Variants in NTNG1 observed in about 807,000 individuals in gnomAD.
NTNG1 encodes the protein netrin G1.
In NTNG1, 16 loss-of-function variants were observed where a neutral mutation model predicts 54.0. That is an observed-to-expected ratio of 0.30 (90% CI 0.20 to 0.45). The LOEUF (loss-of-function observed/expected upper bound fraction) is 0.45, where lower values mean the gene tolerates loss of function less well. Ranked by LOEUF, NTNG1 falls within the 20% of genes least tolerant of loss-of-function variation. The pLI is 1.00. For missense variants in NTNG1, 530 were observed against 678.7 expected, an observed-to-expected ratio of 0.78 and a Z score of 2.43; for synonymous variants, 255 against 263.1, an observed-to-expected ratio of 0.97 and a Z score of 0.30.
At chr1:107,465,991 T>C (rs1042709903) in intron 7 of NTNG1, among the ~76,000 whole-genome samples, 9 of 152,178 alleles carry the variant, frequency 5.9e-5, no homozygotes, top group African/African-American at 2.2e-4. Flanking sequence ...AGACAGTAAG[T>C]ATATGATCCA....
Position 107,424,584 on chromosome 1 carries a change from G to A in NTNG1, c.1088-6166G>A, listed in dbSNP as rs77322787. On this transcript the variant is annotated intron_variant, in intron 5 of 7. Transcript: ENST00000370068. Reference sequence around the variant, plus strand: ...TAATCCAAGTAAGGGCTGATGATGCGTCTGAGGAAAAGGTGGTAGAGATGG... The same window carrying A: ...TAATCCAAGTAAGGGCTGATGATGCATCTGAGGAAAAGGTGGTAGAGATGG... Among the ~76,000 whole-genome samples, 1,794 of 152,144 alleles carry A rather than the reference G, an allele frequency of 0.012. 89 individuals carry two copies. In the East Asian group the frequency reaches 0.17, roughly 15 times the overall value.
At chr1:107,263,623 G>A (rs867078501) in intron 2 of NTNG1, among the ~76,000 whole-genome samples, 1 of 152,178 alleles carries the variant, frequency 6.6e-6, no homozygotes, top group Non-Finnish European at 1.5e-5. Flanking sequence ...AACAAGGCAA[G>A]TTAAAATAAT....
intron 2 of NTNG1, among the ~76,000 whole-genome samples, chr1:107,256,662 A>G (rs566253550): frequency 3.3e-4 from 50 of 152,330 alleles, no homozygotes; most frequent in Middle Eastern, 6.8e-3. Context: ...GCAGTTGCAG[A>G]GAGAACCTTG....
At chr1:107,260,026 A>ACC (rs200931394) in intron 2 of NTNG1, among the ~76,000 whole-genome samples, 2,874 of 152,274 alleles carry the variant, frequency 0.019, 98 homozygotes, top group African/African-American at 0.066. Flanking sequence ...CTTCATTTGA[A>ACC]TGCAAATTAT....
At chr1:107,460,518 T>C in intron 7 of NTNG1, 1 of 462,982 alleles carries the variant, frequency 2.2e-6, no homozygotes, top group Non-Finnish European at 4.3e-6. Context: ...GGTTTAATAT[T>C]GACTTCTTAC....
At chr1:107,371,760 C>T (rs1304179120) in intron 3 of NTNG1, among the ~76,000 whole-genome samples, 5 of 151,988 alleles carry the variant, frequency 3.3e-5, no homozygotes, top group Admixed American at 3.3e-4. Flanking sequence ...TTGTCTGATG[C>T]AAGTAACAGG....
At chr1:107,304,742 TA>T (rs764834479) in intron 2 of NTNG1, among the ~76,000 whole-genome samples, 59 of 150,886 alleles carry the variant, frequency 3.9e-4, no homozygotes, top group Non-Finnish European at 6.5e-4. Flanking sequence ...TTTTTTTTTT[TA>T]AATTATACTT....
intron 2 of NTNG1, among the ~76,000 whole-genome samples, chr1:107,172,315 AATT>A (rs1656309100): frequency 6.6e-6 from 1 of 152,156 alleles, no homozygotes; most frequent in South Asian, 2.1e-4. Flanking sequence ...CCTTAGCATA[AATT>A]ATTAACAGCT....
At position 107,285,263 on chromosome 1, in the gene NTNG1, G is replaced by T. The variant is rs373526017; in HGVS notation, c.247-39019G>T. Among the ~76,000 whole-genome samples, 163 of 152,242 alleles carry T rather than the reference G, an allele frequency of 1.1e-3. 7 individuals are homozygous for T. The South Asian group carries it at 0.033, about 31-fold the overall frequency. On this transcript the variant is annotated intron_variant, in intron 2 of 7. Coordinates refer to ENST00000370068, the MANE Select transcript of NTNG1 (RefSeq NM_001113226.3). ...TAACTTCAACCCATGCTAAGGAGGT[G>T]CATTTACTCTGTTGTGTCTAGCTTT...
At chr1:107,179,498 T>G (rs1326529448) in intron 2 of NTNG1, among the ~76,000 whole-genome samples, 2 of 152,152 alleles carry the variant, frequency 1.3e-5, no homozygotes, top group Non-Finnish European at 2.9e-5. Flanking sequence ...AAATTGACAA[T>G]ACAAATTATT....
At chr1:107,280,693 C>T (rs1418533918) in intron 2 of NTNG1, among the ~76,000 whole-genome samples, 1 of 151,050 alleles carries the variant, frequency 6.6e-6, no homozygotes, top group Non-Finnish European at 1.5e-5. Context: ...CGTTACTGGG[C>T]AGGTATTCCC....
At chr1:107,258,378 T>A (rs1000769907) in intron 2 of NTNG1, among the ~76,000 whole-genome samples, 1 of 152,074 alleles carries the variant, frequency 6.6e-6, no homozygotes, top group South Asian at 2.1e-4. Context: ...TGTTACTTTA[T>A]CTACTCAGAC....
In NTNG1 at chr1:107,145,038, G is replaced by T. The variant is rs902417869; in HGVS notation, c.-525-3031G>T. 9.2e-5 allele frequency among the ~76,000 whole-genome samples: 14 copies of T among 151,984 alleles called. No homozygotes were observed. The South Asian group carries it at 2.9e-3, about 32-fold the overall frequency. On this transcript the variant is annotated intron_variant, in intron 1 of 7. Coordinates refer to ENST00000370068, the MANE Select transcript of NTNG1 (RefSeq NM_001113226.3). ...TCACTTCACAATTAGTTCAGTTATG[G>T]GCCAGAAGGGATAGGTTTAGTATAT...
intron 2 of NTNG1, among the ~76,000 whole-genome samples, chr1:107,315,856 CTG>C (rs1281991688): frequency 4.6e-5 from 7 of 152,226 alleles, no homozygotes; most frequent in African/African-American, 1.7e-4. Context: ...AGCACAGTGT[CTG>C]TCATATCCAA....
intron 2 of NTNG1, among the ~76,000 whole-genome samples, chr1:107,307,027 T>C (rs1256516345): frequency 6.6e-6 from 1 of 152,232 alleles, no homozygotes; most frequent in Non-Finnish European, 1.5e-5. Flanking sequence ...AATTCTGTGT[T>C]AGCTGGCAAG....
At chr1:107,251,258 A>T (rs1163518056) in intron 2 of NTNG1, among the ~76,000 whole-genome samples, 1 of 152,226 alleles carries the variant, frequency 6.6e-6, no homozygotes, top group South Asian at 2.1e-4. Flanking sequence ...AAATGTGCAT[A>T]ATAGAATCTT....
chr1:107,238,921 C>A (rs1024646624), intron 2 of NTNG1, among the ~76,000 whole-genome samples: 1 of 151,516 alleles, frequency 6.6e-6, no homozygotes, highest in Admixed American at 6.6e-5. Flanking sequence ...AAAATGAATA[C>A]GATGTGGCCC....
At chr1:107,183,126 T>C (rs1441755969) in intron 2 of NTNG1, among the ~76,000 whole-genome samples, 1 of 152,206 alleles carries the variant, frequency 6.6e-6, no homozygotes, top group Non-Finnish European at 1.5e-5. Flanking sequence ...AATTCCGTGC[T>C]GGAAGAGGTC....
intron 2 of NTNG1, among the ~76,000 whole-genome samples, chr1:107,273,312 A>G (rs561310825): frequency 6.6e-6 from 1 of 152,334 alleles, no homozygotes; most frequent in South Asian, 2.1e-4. Context: ...AGGTTGTTTG[A>G]ATCCTGATAG....
Sources: gnomAD v4.1 joint callset for allele counts (sites outside exome capture counted in the v4.1 genomes callset) on GRCh38, gnomAD v4.1.1 for gene constraint, MANE v1.5 for transcripts, NCBI Gene and HGNC (gene_info 2026-07-23, HGNC 2026-07-21) for gene names.